Variants in LRRC37A2 observed in about 807,000 individuals in gnomAD.
The protein encoded by LRRC37A2 is leucine-rich repeat-containing protein 37A2.
A neutral mutation model predicts 68.8 loss-of-function variants in LRRC37A2; 9 were observed. The ratio of observed to expected loss-of-function variants is 0.13; its 90% CI spans 0.08 to 0.23. LRRC37A2 has a LOEUF of 0.23. Among genes scored for constraint, LRRC37A2 ranks in the 10% least tolerant of loss-of-function variants. LRRC37A2 has a pLI of 1.00. For synonymous variants in LRRC37A2, 63 were observed against 367.6 expected (o/e 0.17, Z 9.48); for missense variants, 168 against 950.4 (o/e 0.18, Z 10.82).
At chr17:46,803,292 C>T in the LRRC37A2 span, among the ~76,000 whole-genome samples, 2 of 152,158 alleles carry the variant, frequency 1.3e-5, no homozygotes, top group Non-Finnish European at 2.9e-5. Flanking sequence ...CCAGCACTTT[C>T]GGAGGCCCAG....
At chr17:46,851,203 C>A in the LRRC37A2 span, among the ~76,000 whole-genome samples, 1 of 152,166 alleles carries the variant, frequency 6.6e-6, no homozygotes, top group Non-Finnish European at 1.5e-5. The surrounding 1 kb of genome is among the most constrained non-coding windows in gnomAD (Gnocchi z 4.3). Context: ...CCTCCTACCC[C>A]TCCACCTTCT....
At chr17:46,989,720 C>T in the LRRC37A2 span, among the ~76,000 whole-genome samples, 106,557 of 152,216 alleles carry the variant, frequency 0.7, 37,922 homozygotes, top group Middle Eastern at 0.78. Context: ...GCTTGGTGAG[C>T]GCTTGCACAA....
chr17:47,043,392 G>A, the LRRC37A2 span, among the ~76,000 whole-genome samples: 31 of 150,492 alleles, frequency 2.1e-4, no homozygotes, highest in East Asian at 5.9e-4. Context: ...CCAGCTACTC[G>A]GGAGGCTAAG....
chr17:46,923,509 G>A, the LRRC37A2 span: 1 of 1,379,858 alleles, frequency 7.2e-7, no homozygotes, highest in South Asian at 1.8e-5. Flanking sequence ...GCACCTGCAG[G>A]TTATAAAACT....
chr17:46,555,644 AAATG>A, exon 15 of LRRC37A2: 1 of 588,018 alleles, frequency 1.7e-6, no homozygotes, highest in Non-Finnish European at 2.4e-6. Flanking sequence ...AACAGTTACT[AAATG>A]AATGAAAATT....
At chr17:46,839,960 C>CTT in the LRRC37A2 span, among the ~76,000 whole-genome samples, 2 of 145,572 alleles carry the variant, frequency 1.4e-5, no homozygotes. Context: ...TTCTTTCTTT[C>CTT]TTTCTTTCTT....
At chr17:46,690,624 AATAT>A in the LRRC37A2 span, among the ~76,000 whole-genome samples, 2 of 110,952 alleles carry the variant, frequency 1.8e-5, no homozygotes, top group Non-Finnish European at 3.7e-5. Context: ...AAAAAAAAAA[AATAT>A]ATATATATAT....
At chr17:46,788,112 C>T in the LRRC37A2 span, among the ~76,000 whole-genome samples, 1 of 152,084 alleles carries the variant, frequency 6.6e-6, no homozygotes, top group East Asian at 1.9e-4. Context: ...CAAAGAAGTC[C>T]CCTTCAAAGA....
chr17:46,813,943 G>A, the LRRC37A2 span, among the ~76,000 whole-genome samples: 2 of 152,372 alleles, frequency 1.3e-5, no homozygotes, highest in Middle Eastern at 3.4e-3. Flanking sequence ...GACTGAGCAT[G>A]TATCCAGATG....
chr17:46,713,256 T>C, the LRRC37A2 span: 2 of 152,396 alleles, frequency 1.3e-5, no homozygotes, highest in Non-Finnish European at 2.9e-5. Context: ...CAATCAGTAA[T>C]GTCATGTTCC....
the LRRC37A2 span, among the ~76,000 whole-genome samples, chr17:46,791,449 C>T: frequency 1.6e-4 from 25 of 152,190 alleles, no homozygotes; most frequent in Admixed American, 1.4e-3. Context: ...TCAAGTGATC[C>T]GCCCGCCTCA....
the LRRC37A2 span, among the ~76,000 whole-genome samples, chr17:47,030,088 A>AATCATCATC: frequency 9.3e-6 from 1 of 107,122 alleles, no homozygotes; most frequent in African/African-American, 3.9e-5. Flanking sequence ...TAATAATAAT[A>AATCATCATC]ATCATCATCA....
the LRRC37A2 span, among the ~76,000 whole-genome samples, chr17:46,893,760 G>A: frequency 2.0e-5 from 3 of 152,168 alleles, no homozygotes; most frequent in South Asian, 2.1e-4. Context: ...AAAGATTGCT[G>A]TAACTGTCGG....
chr17:46,606,048 G>A, the LRRC37A2 span, among the ~76,000 whole-genome samples: 30 of 94,086 alleles, frequency 3.2e-4, no homozygotes, highest in Non-Finnish European at 4.3e-4. Context: ...GTGTGGTGGC[G>A]CATGCCTGTA....
chr17:46,710,801 G>A, the LRRC37A2 span, among the ~76,000 whole-genome samples: 2 of 152,212 alleles, frequency 1.3e-5, no homozygotes, highest in Non-Finnish European at 2.9e-5. Flanking sequence ...TGGGAAAAAA[G>A]TTAAATGAGA....
the LRRC37A2 span, chr17:46,935,555 T>C: frequency 8.2e-7 from 1 of 1,213,912 alleles, no homozygotes; most frequent in Non-Finnish European, 1.0e-6. Flanking sequence ...TGGCTTTCCC[T>C]TAGGACCCCT....
the LRRC37A2 span, among the ~76,000 whole-genome samples, chr17:46,458,531 C>CTTTTTTTTTTTT: frequency 1.5e-4 from 6 of 39,918 alleles, 1 homozygote; most frequent in Non-Finnish European, 3.3e-4. Context: ...TCTTCTTCTT[C>CTTTTTTTTTTTT]TTTTTTTTTT....
the LRRC37A2 span, among the ~76,000 whole-genome samples, chr17:46,824,524 CAGGCGTA>C: frequency 6.6e-6 from 1 of 152,262 alleles, no homozygotes; most frequent in Non-Finnish European, 1.5e-5. Context: ...GCTGGGATTA[CAGGCGTA>C]AGCCCCCATG....
chr17:46,726,597 G>A, the LRRC37A2 span: 2 of 1,613,852 alleles, frequency 1.2e-6, no homozygotes, highest in African/African-American at 2.7e-5. Flanking sequence ...GGTTGTGGAT[G>A]ACATTGAGAG....
Sources: gnomAD v4.1 joint callset for allele counts (sites outside exome capture counted in the v4.1 genomes callset) on GRCh38, gnomAD v4.1.1 for gene constraint, Gnocchi (gnomAD v3.1) non-coding constraint, MANE v1.5 for transcripts, NCBI Gene and HGNC (gene_info 2026-07-23, HGNC 2026-07-21) for gene names.